The following ANK3 variants were observed in gnomAD, a reference collection of about 807,000 sequenced individuals.
ANK3 encodes ankyrin-3.
ANK3 carries 57 observed loss-of-function variants against 370.9 expected under a neutral mutation model. The observed-to-expected ratio is 0.15, with a 90% CI of 0.12 to 0.19. The LOEUF is 0.19. ANK3 is among the 10% of genes least tolerant of loss of function. The pLI is 1.00. For missense variants in ANK3, 4,439 were observed against 5,302.1 expected, an observed-to-expected ratio of 0.84 and a Z score of 5.06; for synonymous variants, 1,929 against 1,946.3, an observed-to-expected ratio of 0.99 and a Z score of 0.23.
chr10:60,102,957 TA>T (rs1370650092), intron 28 of ANK3, among the ~76,000 whole-genome samples: 1 of 151,720 alleles, frequency 6.6e-6, no homozygotes, highest in Non-Finnish European at 1.5e-5. Flanking sequence ...TAAGACAATT[TA>T]TTTTTTTTTT....
chr10:60,050,065 T>C (rs1023137913), intron 42 of ANK3, among the ~76,000 whole-genome samples: 1 of 152,184 alleles, frequency 6.6e-6, no homozygotes, highest in Non-Finnish European at 1.5e-5. Flanking sequence ...CTTTAAAATA[T>C]CATATCTTGA....
In ANK3 at chr10:60,261,997, C is replaced by A. The variant is rs13376958; in HGVS notation, c.700-40G>T. The A allele has an allele frequency of 9.3e-4, 1,431 of 1,539,740 alleles. 10 individuals are homozygous for A. In the African/African-American group the frequency reaches 0.016, roughly 18 times the overall value. On this transcript the variant is annotated intron_variant, in intron 6 of 43. Coordinates refer to ENST00000280772, the MANE Select transcript of ANK3 (RefSeq NM_020987.5). ...TAGCAGACATTCAATTGATTCCTGCCAGCCCCCTGCCTGACAGGCAAATAT... is the reference window on the plus strand; with the variant it reads ...TAGCAGACATTCAATTGATTCCTGCAAGCCCCCTGCCTGACAGGCAAATAT...
At chr10:60,292,229 A>G (rs1010400621) in intron 1 of ANK3, among the ~76,000 whole-genome samples, 1 of 152,126 alleles carries the variant, frequency 6.6e-6, no homozygotes, top group East Asian at 1.9e-4. Context: ...AGATGGAGAA[A>G]CCATTTCTGA....
At chr10:60,088,406 A>G in intron 28 of ANK3, 48 bp from the exon 29 acceptor site, 1 of 1,489,490 alleles carries the variant, frequency 6.7e-7, no homozygotes, top group East Asian at 2.3e-5. Flanking sequence ...GCATATCTAC[A>G]ACATACCTTA....
At chr10:60,718,314 C>A (rs2079817573) in intron 1 of ANK3, among the ~76,000 whole-genome samples, 2 of 152,048 alleles carry the variant, frequency 1.3e-5, no homozygotes, top group African/African-American at 2.4e-5. Flanking sequence ...AATAAACAAC[C>A]TTTGCTTTTG....
intron 35 of ANK3, chr10:60,081,925 G>A (rs764866974): frequency 2.7e-5 from 11 of 400,608 alleles, no homozygotes; most frequent in Non-Finnish European, 4.4e-5. Flanking sequence ...TTCAGTTTCT[G>A]AATCATCAGC....
intron 2 of ANK3, among the ~76,000 whole-genome samples, chr10:60,512,868 G>A (rs997943902): frequency 5.3e-5 from 8 of 151,838 alleles, no homozygotes; most frequent in Admixed American, 3.9e-4. Flanking sequence ...TCTATTTCAG[G>A]AGACCCAGGG....
chr10:60,530,984 A>T (rs543043335), intron 2 of ANK3, among the ~76,000 whole-genome samples: 4 of 152,282 alleles, frequency 2.6e-5, no homozygotes, highest in Middle Eastern at 3.4e-3. Flanking sequence ...GGTAATTTTT[A>T]AAATTATATT....
At chr10:60,162,770 C>T (rs538303469) in intron 23 of ANK3, among the ~76,000 whole-genome samples, 24 of 152,108 alleles carry the variant, frequency 1.6e-4, no homozygotes, top group Non-Finnish European at 3.4e-4. Context: ...GTTTGCCTCA[C>T]CAGCTGCTGT....
intron 26 of ANK3, among the ~76,000 whole-genome samples, chr10:60,110,645 C>T (rs1219623374): frequency 6.6e-6 from 1 of 152,156 alleles, no homozygotes; most frequent in African/African-American, 2.4e-5. Flanking sequence ...TTGCTCTGGG[C>T]TGCCTACATT....
At chr10:60,457,656 G>A (rs1457572203) in intron 2 of ANK3, among the ~76,000 whole-genome samples, 1 of 152,072 alleles carries the variant, frequency 6.6e-6, no homozygotes, top group East Asian at 1.9e-4. Context: ...TGAAAGGATG[G>A]AGCCTCATGG....
chr10:60,197,615 C>T (rs377419635), intron 14 of ANK3, among the ~76,000 whole-genome samples: 12 of 152,164 alleles, frequency 7.9e-5, no homozygotes, highest in Admixed American at 4.6e-4. Flanking sequence ...TCATTTATCC[C>T]GATAGTTTTC....
chr10:60,359,266 C>T (rs1347006474), intron 1 of ANK3, among the ~76,000 whole-genome samples: 1 of 152,116 alleles, frequency 6.6e-6, no homozygotes, highest in Non-Finnish European at 1.5e-5. Flanking sequence ...CACCTGCTGC[C>T]CTCACTCTCC....
chr10:60,301,875 C>A (rs575956660), intron 1 of ANK3, among the ~76,000 whole-genome samples: 5 of 152,220 alleles, frequency 3.3e-5, no homozygotes, highest in Admixed American at 3.3e-4. Flanking sequence ...ATTATAACAA[C>A]CTTCATTTAT....
At chr10:60,280,844 G>C (rs2098151406) in intron 1 of ANK3, among the ~76,000 whole-genome samples, 1 of 152,136 alleles carries the variant, frequency 6.6e-6, no homozygotes, top group African/African-American at 2.4e-5. Context: ...AGACCCCCCA[G>C]GTGGAGTTTA....
intron 2 of ANK3, among the ~76,000 whole-genome samples, chr10:60,406,173 A>G (rs575811397): frequency 4.6e-5 from 7 of 152,238 alleles, no homozygotes; most frequent in African/African-American, 1.7e-4. Context: ...CAGACCATAC[A>G]TAATACCACA....
intron 2 of ANK3, among the ~76,000 whole-genome samples, chr10:60,422,483 T>C (rs1258362497): frequency 2.0e-5 from 3 of 152,090 alleles, no homozygotes; most frequent in African/African-American, 4.8e-5. Context: ...AATATTAAAA[T>C]CTATGCTTCT....
Position 60,073,785 on chromosome 10 carries a change from A to G in ANK3, c.7096T>C (p.Ser2366Pro), listed in dbSNP as rs750194817. The G allele has an allele frequency of 4.0e-5, 65 of 1,613,546 alleles. No homozygotes were observed. Among genetic ancestry groups the G allele is most frequent in the Middle Eastern group, 1.6e-4 (1 of 6,084 alleles). Reference sequence around the variant, plus strand: ...TCTTTTAGGTTAATATCTCCCCGGGATAAGTCTTTCTGATATACATACATT... The same window carrying G: ...TCTTTTAGGTTAATATCTCCCCGGGGTAAGTCTTTCTGATATACATACATT... ...KEMYVYQKDLSRGDINLKDFL... is the reference protein window; with the variant it reads ...KEMYVYQKDLPRGDINLKDFL... The change falls in exon 37 of 44, where the codon TCC becomes CCC. Residue 2366 changes from serine to proline, a missense_variant. Around this residue, in one of 13 missense-constraint regions of ANK3, gnomAD observed 1,601 missense variants for 1,731.7 expected, o/e 0.92. Coordinates refer to ENST00000280772, the MANE Select transcript of ANK3 (RefSeq NM_020987.5).
intron 1 of ANK3, among the ~76,000 whole-genome samples, chr10:60,374,805 G>A (rs188814835): frequency 5.9e-5 from 9 of 152,072 alleles, no homozygotes; most frequent in African/African-American, 1.9e-4. Context: ...GAGATTCGTT[G>A]GTACTTTTGG....
Sources: allele counts gnomAD v4.1 joint callset (sites outside exome capture counted in the v4.1 genomes callset), GRCh38; gene constraint gnomAD v4.1.1; regional missense constraint gnomAD v4.1.1; transcripts MANE v1.5; gene names NCBI Gene and HGNC (gene_info 2026-07-23, HGNC 2026-07-21).